Variants in ITGA2 observed in about 807,000 individuals in gnomAD.
The protein encoded by ITGA2 is integrin alpha-2.
ITGA2 carries 101 observed loss-of-function variants against 146.3 expected under a neutral mutation model. The observed-to-expected ratio is 0.69, with a 90% confidence interval of 0.59 to 0.81. ITGA2 has a LOEUF of 0.81. Ranked by LOEUF, ITGA2 falls within the 40% of genes least tolerant of loss-of-function variation. ITGA2 has a pLI of 0.00. For synonymous variants in ITGA2, 477 were observed against 487.1 expected (o/e 0.98, Z 0.27); for missense variants, 1,281 against 1,402.7 (o/e 0.91, Z 1.39).
intron 2 of ITGA2, among the ~76,000 whole-genome samples, chr5:53,037,808 C>T (rs927933643): frequency 2.0e-5 from 3 of 152,174 alleles, no homozygotes; most frequent in Admixed American, 6.5e-5. Context: ...AACCCTTGTT[C>T]TTCAAGAGTT....
chr5:53,053,223 G>T (rs965340584), intron 7 of ITGA2, among the ~76,000 whole-genome samples: 12 of 152,002 alleles, frequency 7.9e-5, no homozygotes, highest in African/African-American at 2.9e-4. Context: ...GTGTATTTCA[G>T]TTGCTACTTC....
intron 17 of ITGA2, among the ~76,000 whole-genome samples, chr5:53,071,620 T>C (rs1445006441): frequency 7.9e-5 from 12 of 151,844 alleles, no homozygotes; most frequent in Admixed American, 6.6e-4. Flanking sequence ...CAAATTCAAA[T>C]GTTAGGGTTT....
chr5:53,046,521 A>G (rs1744096498), intron 4 of ITGA2, among the ~76,000 whole-genome samples: 1 of 151,772 alleles, frequency 6.6e-6, no homozygotes, highest in South Asian at 2.1e-4. Flanking sequence ...TTGTTTTTTG[A>G]TTTTAAAGTT....
chr5:53,070,846 A>C (rs1362289681), intron 17 of ITGA2, among the ~76,000 whole-genome samples: 3 of 151,966 alleles, frequency 2.0e-5, no homozygotes, highest in African/African-American at 7.2e-5. Flanking sequence ...CCACCTTGGA[A>C]ACCACATAAT....
At chr5:53,006,090 G>A (rs1341191703) in intron 1 of ITGA2, among the ~76,000 whole-genome samples, 13 of 152,136 alleles carry the variant, frequency 8.5e-5, no homozygotes, top group South Asian at 2.1e-4. Context: ...AGAGCATCAG[G>A]ATAAGTAGCT....
intron 1 of ITGA2, among the ~76,000 whole-genome samples, chr5:53,000,316 TTTTTC>T (rs2111689547): frequency 6.6e-6 from 1 of 152,274 alleles, no homozygotes; most frequent in South Asian, 2.1e-4. Flanking sequence ...ATTACATAAA[TTTTTC>T]TTCTTTATTA....
chr5:53,084,491 CAT>C (rs1471522166), intron 27 of ITGA2, among the ~76,000 whole-genome samples: 1 of 152,040 alleles, frequency 6.6e-6, no homozygotes, highest in African/African-American at 2.4e-5. Flanking sequence ...TGGACAAAGA[CAT>C]AGAAGAAAAC....
chr5:53,016,284 T>C (rs1040743673), intron 1 of ITGA2, among the ~76,000 whole-genome samples: 2 of 152,238 alleles, frequency 1.3e-5, no homozygotes, highest in Non-Finnish European at 1.5e-5. Context: ...GGTCTGGTGG[T>C]AACTAATTCC....
intron 20 of ITGA2, among the ~76,000 whole-genome samples, chr5:53,073,969 C>G (rs567631914): frequency 4.6e-4 from 67 of 145,654 alleles, no homozygotes; most frequent in South Asian, 1.5e-3. Context: ...AAAAAAAACC[C>G]TCAAATTACT....
chr5:53,060,869 T>A, intron 11 of ITGA2, 32 bp from the exon 12 acceptor site: 2 of 1,606,430 alleles, frequency 1.2e-6, no homozygotes, highest in Middle Eastern at 1.7e-4. Context: ...AGATAGTCAA[T>A]GTTAATCACT....
In ITGA2 at chr5:53,062,921, A is replaced by C. The variant is rs199808499; in HGVS notation, c.1594A>C (p.Ile532Leu). Residue 532 changes from isoleucine to leucine, a missense_variant, in exon 13 of 30, where the codon ATC becomes CTC. Physicochemically the swap from Ile to Leu is conservative, Grantham distance 5. Coordinates refer to ENST00000296585, the MANE Select transcript of ITGA2 (RefSeq NM_002203.4). ...KEEGRVYLFT[I>L]KEGILGQHQF... ...GGAAGGAAGAGTCTACCTGTTTACT[A>C]TCAAAGAGGTAAAAAAAAAAAAATA... is the stretch of plus-strand genomic sequence containing the variant. 1.1e-3 allele frequency: 1,746 copies of C among 1,608,840 alleles called. 26 individuals are homozygous for C. The South Asian group carries it at 0.018, about 17-fold the overall frequency.
At position 53,060,882 on chromosome 5, in the gene ITGA2, G is replaced by A; in HGVS notation, c.1313-19G>A. 1 of 1,610,854 alleles carries A rather than the reference G, an allele frequency of 6.2e-7. No homozygotes were observed. The highest frequency in any genetic ancestry group is 8.5e-7 in the Non-Finnish European group (1 of 1,177,602). ...TCAGATAGTCAATGTTAATCACTCT[G>A]TTGCTCCTTCCCTTTTAGGTTACTC... On this transcript the variant is annotated intron_variant, in intron 11 of 29. Coordinates refer to ENST00000296585, the MANE Select transcript of ITGA2 (RefSeq NM_002203.4).
At chr5:53,060,070 C>T in intron 11 of ITGA2, 58 bp downstream of exon 11, 1 of 1,575,854 alleles carries the variant, frequency 6.3e-7, no homozygotes. Flanking sequence ...TAAACCAGCT[C>T]TTTGTTGAAT....
Position 53,058,014 on chromosome 5 carries a change from G to T in ITGA2, c.1097-11G>T. The T allele has an allele frequency of 6.2e-7, 1 of 1,604,212 alleles. No individual in the cohort carries two copies. Among genetic ancestry groups the T allele is most frequent in the South Asian group, 1.1e-5 (1 of 90,892 alleles). On this transcript the variant is annotated splice_polypyrimidine_tract_variant and intron_variant, in intron 9 of 29. Transcript: ENST00000296585. ...TGACAGTAATACAATTTTTAAAATTGAATGTTCCAGGTACTGTTCAAGGAG... is the reference window on the plus strand; with the variant it reads ...TGACAGTAATACAATTTTTAAAATTTAATGTTCCAGGTACTGTTCAAGGAG...
intron 3 of ITGA2, among the ~76,000 whole-genome samples, chr5:53,043,690 T>C (rs1262316147): frequency 6.6e-6 from 1 of 152,126 alleles, no homozygotes; most frequent in East Asian, 1.9e-4. Flanking sequence ...AAACAAGAGA[T>C]GATACTTTTT....
At chr5:53,018,817 A>G (rs1742527449) in intron 1 of ITGA2, among the ~76,000 whole-genome samples, 1 of 152,164 alleles carries the variant, frequency 6.6e-6, no homozygotes, top group South Asian at 2.1e-4. Flanking sequence ...AAATTCCAGC[A>G]CTTTGGGAGG....
At chr5:53,047,215 T>C (rs1744133254) in intron 4 of ITGA2, among the ~76,000 whole-genome samples, 1 of 152,242 alleles carries the variant, frequency 6.6e-6, no homozygotes, top group African/African-American at 2.4e-5. Context: ...GCCCATACTC[T>C]TCTGTTCAGT....
At chr5:52,996,049 G>T (rs1741228778) in intron 1 of ITGA2, among the ~76,000 whole-genome samples, 1 of 152,154 alleles carries the variant, frequency 6.6e-6, no homozygotes, top group South Asian at 2.1e-4. Flanking sequence ...TGAAAAAAGA[G>T]AAATCAGAAC....
intron 1 of ITGA2, among the ~76,000 whole-genome samples, chr5:53,020,975 A>T (rs1481997618): frequency 2.0e-5 from 3 of 151,766 alleles, no homozygotes; most frequent in African/African-American, 7.3e-5. Context: ...GATTATAGGC[A>T]TGAGCCACCG....
Sources: allele counts gnomAD v4.1 joint callset (sites outside exome capture counted in the v4.1 genomes callset), GRCh38; gene constraint gnomAD v4.1.1; transcripts MANE v1.5; gene names NCBI Gene and HGNC (gene_info 2026-07-23, HGNC 2026-07-21).